The following GFRA1 variants were observed in gnomAD, a reference collection of about 807,000 sequenced individuals.
GFRA1 encodes the protein GDNF family receptor alpha-1.
A neutral mutation model predicts 51.6 loss-of-function variants in GFRA1; 16 were observed. The ratio of observed to expected loss-of-function variants is 0.31; its 90% CI spans 0.21 to 0.47. The LOEUF is 0.47. Among genes scored for constraint, GFRA1 ranks in the 20% least tolerant of loss-of-function variants. GFRA1 has a pLI of 1.00. For missense variants in GFRA1, 530 were observed against 594.3 expected (o/e 0.89, Z 1.13); for synonymous variants, 270 against 241.3 (o/e 1.12, Z -1.10).
At chr10:116,140,197 C>T (rs758869541) in intron 5 of GFRA1, among the ~76,000 whole-genome samples, 18 of 152,102 alleles carry the variant, frequency 1.2e-4, no homozygotes, top group Non-Finnish European at 1.8e-4. Flanking sequence ...GGAAGGAAAC[C>T]GGCATTTACA....
chr10:116,196,437 T>A (rs1304628958), intron 5 of GFRA1, among the ~76,000 whole-genome samples: 2 of 148,196 alleles, frequency 1.3e-5, no homozygotes, highest in Non-Finnish European at 3.0e-5. Context: ...TGCAGTGAGA[T>A]GAGACTGTGC....
intron 4 of GFRA1, 125 bp downstream of exon 4, chr10:116,269,378 C>A: frequency 1.4e-6 from 1 of 722,290 alleles, no homozygotes; most frequent in Admixed American, 1.9e-5. Context: ...CATCCTATTT[C>A]TAATTTCCCA....
chr10:116,079,705 C>G (rs992386005), intron 9 of GFRA1, among the ~76,000 whole-genome samples: 2 of 151,974 alleles, frequency 1.3e-5, no homozygotes, highest in Admixed American at 6.6e-5. Context: ...TTTTGCAGAC[C>G]AAAATGTCAA....
chr10:116,094,604 G>A (rs1226668092), intron 7 of GFRA1, among the ~76,000 whole-genome samples: 1 of 152,174 alleles, frequency 6.6e-6, no homozygotes, highest in East Asian at 1.9e-4. Flanking sequence ...GGCAATGCCC[G>A]CTGATGACAA....
intron 6 of GFRA1, among the ~76,000 whole-genome samples, chr10:116,116,952 G>A (rs1433107345): frequency 6.6e-6 from 1 of 152,106 alleles, no homozygotes; most frequent in African/African-American, 2.4e-5. Context: ...TTATCATTCT[G>A]GCTGTCTGGA....
At chr10:116,216,309 A>G (rs1965558150) in intron 4 of GFRA1, among the ~76,000 whole-genome samples, 1 of 152,164 alleles carries the variant, frequency 6.6e-6, no homozygotes, top group South Asian at 2.1e-4. Flanking sequence ...CTGGGTTAGT[A>G]ATTAGCAGTG....
intron 4 of GFRA1, among the ~76,000 whole-genome samples, chr10:116,233,374 C>T (rs1298528519): frequency 6.6e-6 from 1 of 151,896 alleles, no homozygotes; most frequent in South Asian, 2.1e-4. Context: ...TTTCGGAGTA[C>T]ACTTGGAAAT....
chr10:116,085,223 A>G (rs1265932979), intron 9 of GFRA1, among the ~76,000 whole-genome samples: 1 of 152,176 alleles, frequency 6.6e-6, no homozygotes, highest in Non-Finnish European at 1.5e-5. Flanking sequence ...TGATAATTAC[A>G]CTTCGGAGCA....
chr10:116,246,130 A>G (rs1967847229), intron 4 of GFRA1, among the ~76,000 whole-genome samples: 1 of 152,180 alleles, frequency 6.6e-6, no homozygotes, highest in African/African-American at 2.4e-5. Context: ...AATGCACCAC[A>G]CTAAAGAGAC....
rs1005676264 is a variant in GFRA1, at chr10:116,057,364, T to C, written c.*7034A>G. 25 of 152,118 alleles carry C rather than the reference T, an allele frequency of 1.6e-4. No homozygotes were observed. Among genetic ancestry groups the C allele is most frequent in the Non-Finnish European group, 1.5e-5 (1 of 68,042 alleles). The allele number at this position is 152,118 out of a possible 1,614,324, so 9.4% of individuals were successfully genotyped here. ...GAGACTGGGTGTCTGAACCCCTCAC[T>C]CAGGAATGAATTCTAAAAATACCCT... On this transcript the variant is annotated 3_prime_UTR_variant, in exon 11 of 11. Transcript: ENST00000355422.
intron 5 of GFRA1, among the ~76,000 whole-genome samples, chr10:116,140,895 CAGG>C (rs1958536604): frequency 1.3e-5 from 2 of 152,198 alleles, no homozygotes; most frequent in African/African-American, 4.8e-5. Flanking sequence ...AAGATATCTA[CAGG>C]AGATTAGTGT....
chr10:116,058,041 T>TGTGTGTCAGAGA lies in GFRA1; in HGVS notation c.*6356_*6357insTCTCTGACACAC, dbSNP rs557175351. On this transcript the variant is annotated 3_prime_UTR_variant, in exon 11 of 11. Transcript: ENST00000355422. Reference sequence around the variant, plus strand: ...GTGTGTGTGTGTGTGTGTGTGTGTGTGACAGAGAGAACCACGCTTTATTGG... The same window carrying TGTGTGTCAGAGA: ...GTGTGTGTGTGTGTGTGTGTGTGTGTGTGTGTCAGAGAGACAGAGAGAACCACGCTTTATTGG... 1.8e-5 allele frequency: 2 copies of TGTGTGTCAGAGA among 108,444 alleles called. No homozygotes were observed. Among genetic ancestry groups the TGTGTGTCAGAGA allele is most frequent in the East Asian group, 3.6e-4 (1 of 2,774 alleles). 6.7% of individuals were successfully genotyped at this position (108,444 alleles called of 1,614,324 possible).
At chr10:116,129,459 A>G (rs1958014641) in intron 5 of GFRA1, among the ~76,000 whole-genome samples, 10 of 152,208 alleles carry the variant, frequency 6.6e-5, no homozygotes, top group Admixed American at 6.5e-4. Flanking sequence ...AGCATTCAAT[A>G]AATTTCAATA....
chr10:116,125,439 G>A lies in GFRA1; in HGVS notation c.552C>T (p.Asn184=), dbSNP rs2245020. The change falls in exon 6 of 11, where the codon AAC becomes AAT. Residue 184 remains asparagine, a synonymous_variant. Coordinates refer to ENST00000355422, the MANE Select transcript of GFRA1 (RefSeq NM_005264.8). ...YITPCTTSVS[N]DVCNRRKCHK... ...GGCACTTGCGGCGGTTGCAGACATCGTTGGACACGCTGGTGGTGCACGGGG... is the reference window on the plus strand; with the variant it reads ...GGCACTTGCGGCGGTTGCAGACATCATTGGACACGCTGGTGGTGCACGGGG... The A allele has an allele frequency of 0.56, 895,568 of 1,613,566 alleles. 252,262 individuals are homozygous for A. The highest frequency in any genetic ancestry group is 0.68 in the Admixed American group (40,571 of 60,006).
chr10:116,087,326 C>A (rs113233783), intron 9 of GFRA1, among the ~76,000 whole-genome samples: 4,211 of 152,252 alleles, frequency 0.028, 196 homozygotes, highest in African/African-American at 0.095. Flanking sequence ...GGCTGACAGA[C>A]CCCTCTCCTC....
chr10:116,129,900 T>C (rs551391497), intron 5 of GFRA1, among the ~76,000 whole-genome samples: 15 of 151,996 alleles, frequency 9.9e-5, no homozygotes, highest in African/African-American at 3.6e-4. Context: ...GAGTTTTATT[T>C]GTAATTAGCA....
chr10:116,137,961 C>T (rs1166756056), intron 5 of GFRA1, among the ~76,000 whole-genome samples: 4 of 152,142 alleles, frequency 2.6e-5, no homozygotes, highest in Non-Finnish European at 5.9e-5. Flanking sequence ...AACACTACAC[C>T]TGGCTAATTT....
At chr10:116,067,751 A>G (rs1589760158) in intron 9 of GFRA1, among the ~76,000 whole-genome samples, 1 of 152,290 alleles carries the variant, frequency 6.6e-6, no homozygotes, top group Admixed American at 6.5e-5. Flanking sequence ...TCTGACCCTC[A>G]TTAGTCACGG....
chr10:116,068,502 A>T (rs1589760714), intron 9 of GFRA1, among the ~76,000 whole-genome samples: 1 of 152,186 alleles, frequency 6.6e-6, no homozygotes, highest in Non-Finnish European at 1.5e-5. Flanking sequence ...TCAGGCTGGG[A>T]GTCCAGGACC....
Sources: allele counts gnomAD v4.1 joint callset (sites outside exome capture counted in the v4.1 genomes callset), GRCh38; gene constraint gnomAD v4.1.1; transcripts MANE v1.5; gene names NCBI Gene and HGNC (gene_info 2026-07-23, HGNC 2026-07-21).